TP53BP2: variants seen among roughly 807,000 people sequenced by gnomAD.
TP53BP2 encodes the protein apoptosis-stimulating of p53 protein 2.
In TP53BP2, 62 loss-of-function variants were observed where a neutral mutation model predicts 126.2. The ratio of observed to expected loss-of-function variants is 0.49; its 90% CI spans 0.40 to 0.61. The LOEUF is 0.61. TP53BP2 is among the 20% of genes least tolerant of loss of function. The pLI is 0.00. For missense variants in TP53BP2, 1,215 were observed against 1,402.8 expected (o/e 0.87, Z 2.14); for synonymous variants, 485 against 502.9 (o/e 0.96, Z 0.48).
chr1:223,818,466 T>C (rs1327635695), intron 2 of TP53BP2: 1 of 139,438 alleles, frequency 7.2e-6, no homozygotes, highest in African/African-American at 2.7e-5. Context: ...ATCGCACCAC[T>C]GCACTTCAGC....
At position 223,798,195 on chromosome 1, in the gene TP53BP2, A is replaced by G; in HGVS notation, c.1948+20T>C. The G allele has an allele frequency of 3.7e-6, 6 of 1,600,668 alleles. No homozygotes were observed. The highest frequency in any genetic ancestry group is 1.1e-5 in the South Asian group (1 of 89,618). ...GGTATAGAACTTAAGCACGTCACCT[A>G]TGAACGTTAAGAACCTTACCACTTG... is the stretch of plus-strand genomic sequence containing the variant. On this transcript the variant is annotated intron_variant, in intron 12 of 17. Coordinates refer to ENST00000343537, the MANE Select transcript of TP53BP2 (RefSeq NM_001031685.3).
intron 17 of TP53BP2, among the ~76,000 whole-genome samples, chr1:223,781,626 A>G (rs1153945): frequency 4.4e-4 from 67 of 152,184 alleles, no homozygotes; most frequent in African/African-American, 1.5e-3. Flanking sequence ...TTACATCCCA[A>G]TTAAAAAATT....
At chr1:223,833,766 C>T (rs1227154955) in intron 1 of TP53BP2, among the ~76,000 whole-genome samples, 1 of 152,176 alleles carries the variant, frequency 6.6e-6, no homozygotes, top group African/African-American at 2.4e-5. Context: ...CGTTCATTCA[C>T]CCGTTAGTAC....
chr1:223,799,002 G>T (rs555992060), intron 11 of TP53BP2, among the ~76,000 whole-genome samples: 5 of 152,360 alleles, frequency 3.3e-5, no homozygotes, highest in Admixed American at 3.3e-4. Context: ...AATCCAGGAG[G>T]TGGAGGTTGT....
rs1027250041 is a variant in TP53BP2, at chr1:223,802,902, A to G, written c.832-7T>C. On this transcript the variant is annotated splice_region_variant and splice_polypyrimidine_tract_variant and intron_variant, in intron 7 of 17. Coordinates refer to ENST00000343537, the MANE Select transcript of TP53BP2 (RefSeq NM_001031685.3). ...GATTCAATTTGTTTCTTAGCTGAAT[A>G]AAAGAGAGGGGAAAAAAGGTAGCCA... 5 of 1,613,820 alleles carry G rather than the reference A, an allele frequency of 3.1e-6. No homozygotes were observed. Among genetic ancestry groups the G allele is most frequent in the East Asian group, 4.5e-5 (2 of 44,902 alleles).
At position 223,819,036 on chromosome 1, in the gene TP53BP2, A is replaced by T. The variant is rs561753037; in HGVS notation, c.175+2184T>A. On this transcript the variant is annotated intron_variant, in intron 2 of 17. Transcript: ENST00000343537. ...CCGTCTCTACTAAAAATACAAAATT[A>T]GTTGGGCGTGGTGGCGTATGCCTGT... Among the ~76,000 whole-genome samples the T allele has an allele frequency of 2.6e-5, 4 of 151,728 alleles. No individual in the cohort carries two copies. The East Asian group carries it at 8.0e-4, about 30-fold the overall frequency.
At chr1:223,841,053 T>C (rs187080365) in intron 1 of TP53BP2, among the ~76,000 whole-genome samples, 1 of 152,072 alleles carries the variant, frequency 6.6e-6, no homozygotes, top group Non-Finnish European at 1.5e-5. Flanking sequence ...GAGTTCAAGA[T>C]CAGCCTGGCC....
intron 1 of TP53BP2, among the ~76,000 whole-genome samples, chr1:223,845,428 T>C (rs1037197468): frequency 6.6e-6 from 1 of 152,118 alleles, no homozygotes; most frequent in African/African-American, 2.4e-5. Context: ...GGAACCCGCC[T>C]CGAGGTTAGG....
chr1:223,827,815 A>G (rs1571871170), intron 1 of TP53BP2, among the ~76,000 whole-genome samples: 1 of 152,162 alleles, frequency 6.6e-6, no homozygotes, highest in East Asian at 1.9e-4. Flanking sequence ...AAGAAAAATA[A>G]TCAAAAGAGA....
At chr1:223,807,650 T>C (rs1225354162) in intron 4 of TP53BP2, among the ~76,000 whole-genome samples, 1 of 151,980 alleles carries the variant, frequency 6.6e-6, no homozygotes, top group Non-Finnish European at 1.5e-5. Flanking sequence ...GTCAAGTGCA[T>C]TTCAATATAT....
intron 1 of TP53BP2, among the ~76,000 whole-genome samples, chr1:223,832,712 G>C (rs1239820748): frequency 1.3e-5 from 2 of 152,226 alleles, no homozygotes; most frequent in African/African-American, 4.8e-5. Context: ...AGAGTACTCT[G>C]CCTGTCTCTG....
In TP53BP2 at chr1:223,793,475, C is replaced by T. The variant is rs371383436; in HGVS notation, c.2725-35G>A. ...AAATGGGTGGAAAATTTAGGATCCT[C>T]GTCTATGCAAGAGAACAACAGCAGC... On this transcript the variant is annotated intron_variant, in intron 13 of 17. Coordinates refer to ENST00000343537, the MANE Select transcript of TP53BP2 (RefSeq NM_001031685.3). The T allele has an allele frequency of 1.6e-5, 24 of 1,512,366 alleles. 1 individual carries two copies. Among genetic ancestry groups the T allele is most frequent in the East Asian group, 7.3e-5 (3 of 41,116 alleles). The allele number at this position is 1,512,366 out of a possible 1,614,324, so 93.7% of individuals were successfully genotyped here.
intron 1 of TP53BP2, among the ~76,000 whole-genome samples, chr1:223,841,728 T>C (rs73114411): frequency 0.019 from 2,846 of 152,250 alleles, 84 homozygotes; most frequent in African/African-American, 0.065. Flanking sequence ...AAGGAGATAC[T>C]GTAATATCCC....
intron 1 of TP53BP2, among the ~76,000 whole-genome samples, chr1:223,839,156 C>T (rs570987772): frequency 3.6e-4 from 55 of 152,142 alleles, no homozygotes; most frequent in African/African-American, 1.3e-3. Flanking sequence ...ATATTCTAAC[C>T]CAAGCATTTG....
chr1:223,817,066 G>A (rs1663111470), intron 2 of TP53BP2, among the ~76,000 whole-genome samples: 1 of 151,134 alleles, frequency 6.6e-6, no homozygotes, highest in Non-Finnish European at 1.5e-5. Flanking sequence ...AGGCTGAGGT[G>A]GGAGGATCAC....
chr1:223,796,067 T>C lies in TP53BP2; in HGVS notation c.2472A>G (p.Thr824=), dbSNP rs374264407. The change falls in exon 13 of 18, where the codon ACA becomes ACG. Residue 824 remains threonine (T), a synonymous_variant. Coordinates refer to ENST00000343537, the MANE Select transcript of TP53BP2 (RefSeq NM_001031685.3). This position sits in a 1 kb window ranked among gnomAD's most constrained non-coding sequence, Gnocchi z 4.2. ...AAGGAGCTGGCATGTCACTGTTCTC[T>C]GTACTGGCATTCCCCACATCCTCTG... ...LSPEDVGNAS[T]ENSDMPAPSP... is the part of the protein sequence containing the mutation. The C allele has an allele frequency of 3.7e-6, 6 of 1,614,086 alleles. No individual in the cohort carries two copies. The African/African-American group carries it at 6.7e-5, about 18-fold the overall frequency.
intron 5 of TP53BP2, among the ~76,000 whole-genome samples, chr1:223,805,001 T>A (rs558327325): frequency 1.3e-5 from 2 of 152,352 alleles, no homozygotes; most frequent in Non-Finnish European, 2.9e-5. Context: ...AATCTGAAAT[T>A]GTTTCTTTCC....
chr1:223,821,044 C>T (rs1663285184), intron 2 of TP53BP2, 176 bp downstream of exon 2: 2 of 755,688 alleles, frequency 2.6e-6, no homozygotes, highest in African/African-American at 1.8e-5. Flanking sequence ...AAAAAGAAAA[C>T]CGAAAAAGAC....
chr1:223,795,765 T>C, intron 13 of TP53BP2, 50 bp downstream of exon 13: 8 of 1,387,584 alleles, frequency 5.8e-6, no homozygotes, highest in Non-Finnish European at 7.5e-6. Context: ...AAGAAAATCG[T>C]AACAAAGTAA....
Sources: allele counts gnomAD v4.1 joint callset (sites outside exome capture counted in the v4.1 genomes callset), GRCh38; gene constraint gnomAD v4.1.1; non-coding constraint Gnocchi (gnomAD v3.1); transcripts MANE v1.5; gene names NCBI Gene and HGNC (gene_info 2026-07-23, HGNC 2026-07-21).